The following RTN4 variants were observed in gnomAD, a reference collection of about 807,000 sequenced individuals.
RTN4 encodes reticulon 4.
Under a neutral mutation model 90.4 loss-of-function variants are expected in RTN4, and 32 were observed. That is an observed-to-expected ratio of 0.35 (90% CI 0.27 to 0.48). The LOEUF is 0.48. Among genes scored for constraint, RTN4 ranks in the 20% least tolerant of loss-of-function variants. The probability of loss-of-function intolerance (pLI) is 0.99; values close to 1 mark genes in which losing one functional copy is unlikely to be tolerated. For missense variants in RTN4, 1,706 were observed against 1,430.2 expected (o/e 1.19, Z -3.11); for synonymous variants, 629 against 552.5 (o/e 1.14, Z -1.94).
At chr2:55,114,249 G>T (rs188475914), upstream of RTN4, among the ~76,000 whole-genome samples, 463 of 152,242 alleles carry the variant, frequency 3.0e-3, 1 homozygote, top group African/African-American at 0.011. Flanking sequence ...ACCAAGTGTT[G>T]GTTTGTTCCA....
intron 2 of RTN4, among the ~76,000 whole-genome samples, chr2:55,075,050 T>A (rs1416640051): frequency 6.6e-6 from 1 of 152,318 alleles, no homozygotes. Context: ...CCACTTGTGT[T>A]CAACATAGTA....
At chr2:55,044,554 G>A (rs986831318) in intron 1 of RTN4, among the ~76,000 whole-genome samples, 1 of 152,000 alleles carries the variant, frequency 6.6e-6, no homozygotes, top group Non-Finnish European at 1.5e-5. Context: ...TTGGTTTTTA[G>A]ATTTTTAAAA....
intron 5 of RTN4, among the ~76,000 whole-genome samples, chr2:54,976,989 G>A (rs4672002): frequency 7.2e-5 from 11 of 152,216 alleles, no homozygotes; most frequent in Admixed American, 7.2e-4. Flanking sequence ...GGCCACATCT[G>A]GTTTATCTTT....
At chr2:55,062,476 G>A (rs1668316795) in intron 2 of RTN4, among the ~76,000 whole-genome samples, 1 of 152,224 alleles carries the variant, frequency 6.6e-6, no homozygotes, top group South Asian at 2.1e-4. Flanking sequence ...GGTTTGAGCA[G>A]CGGGGCACTG....
At chr2:55,137,630 C>T in the RTN4 span, among the ~76,000 whole-genome samples, 1 of 152,066 alleles carries the variant, frequency 6.6e-6, no homozygotes, top group Non-Finnish European at 1.5e-5. Context: ...ACAGGTGCCC[C>T]CTCAACCTGT....
At chr2:55,033,831 A>T (rs1682497873) in intron 1 of RTN4, among the ~76,000 whole-genome samples, 1 of 152,240 alleles carries the variant, frequency 6.6e-6, no homozygotes. Flanking sequence ...TGATCAAGTC[A>T]GAGTGACTGG....
At chr2:55,002,695 A>G (rs1558789927) in intron 3 of RTN4, among the ~76,000 whole-genome samples, 2 of 152,144 alleles carry the variant, frequency 1.3e-5, no homozygotes. Flanking sequence ...TCCTACCTTT[A>G]ATTTCATTTT....
chr2:55,035,349 T>C (rs1349590680), intron 1 of RTN4, among the ~76,000 whole-genome samples: 1 of 152,022 alleles, frequency 6.6e-6, no homozygotes, highest in East Asian at 1.9e-4. Flanking sequence ...ACCTAAAATA[T>C]CCTCAAATGT....
chr2:54,973,775 A>AGAGT (rs771624215), intron 7 of RTN4, 46 bp downstream of exon 7: 2 of 1,575,206 alleles, frequency 1.3e-6, no homozygotes, highest in Non-Finnish European at 1.7e-6. Flanking sequence ...CCCATGTAAT[A>AGAGT]GAGTGAGTGC....
At chr2:55,023,094 C>G (rs1681569827) in intron 3 of RTN4, among the ~76,000 whole-genome samples, 3 of 152,072 alleles carry the variant, frequency 2.0e-5, no homozygotes. Context: ...TTTTTCTATT[C>G]ACATCCTTCA....
intron 1 of RTN4, among the ~76,000 whole-genome samples, chr2:55,111,612 C>T: frequency 6.6e-6 from 1 of 152,178 alleles, no homozygotes; most frequent in East Asian, 1.9e-4. Context: ...CTGGGAGTCA[C>T]AGACCTCTCC....
chr2:55,008,419 T>A (rs1475983959), intron 3 of RTN4, among the ~76,000 whole-genome samples: 2 of 152,102 alleles, frequency 1.3e-5, no homozygotes, highest in Non-Finnish European at 2.9e-5. Flanking sequence ...TAATCTTAAA[T>A]ATTACTCTGT....
chr2:55,094,825 G>A (rs1007618039), intron 1 of RTN4, among the ~76,000 whole-genome samples: 1 of 152,180 alleles, frequency 6.6e-6, no homozygotes, highest in Admixed American at 6.5e-5. Context: ...AGCAAAGAAT[G>A]AAGTGGACTT....
At chr2:55,091,904 TACTC>T (rs1205441571) in intron 1 of RTN4, among the ~76,000 whole-genome samples, 4 of 152,176 alleles carry the variant, frequency 2.6e-5, no homozygotes, top group Admixed American at 6.5e-5. Context: ...TCGTGAGACT[TACTC>T]ACTATCACGA....
intron 1 of RTN4, among the ~76,000 whole-genome samples, chr2:55,084,436 T>C (rs1465191250): frequency 6.6e-6 from 1 of 151,992 alleles, no homozygotes; most frequent in Non-Finnish European, 1.5e-5. Flanking sequence ...CCACCATGCC[T>C]GGCCATGAAT....
chr2:55,068,940 T>A (rs779121531), intron 2 of RTN4, among the ~76,000 whole-genome samples: 12 of 152,250 alleles, frequency 7.9e-5, no homozygotes, highest in Non-Finnish European at 1.5e-4. Flanking sequence ...ACAAAGACAA[T>A]TAGTGTACTT....
intron 1 of RTN4, among the ~76,000 whole-genome samples, chr2:55,081,129 C>T (rs1668706532): frequency 6.6e-6 from 1 of 152,076 alleles, no homozygotes; most frequent in Non-Finnish European, 1.5e-5. Flanking sequence ...GGCTGGAGCG[C>T]AGTGGCATGA....
chr2:54,974,915 C>A, intron 5 of RTN4, 151 bp from the exon 6 acceptor site: 1 of 618,654 alleles, frequency 1.6e-6, no homozygotes, highest in African/African-American at 1.9e-5. Context: ...ACTATTAAGT[C>A]ACGAGTCTCA....
intron 1 of RTN4, among the ~76,000 whole-genome samples, chr2:55,082,501 T>C (rs917522430): frequency 6.6e-6 from 1 of 152,146 alleles, no homozygotes; most frequent in African/African-American, 2.4e-5. Flanking sequence ...CACCCACCCC[T>C]GGCCAGGTAG....
Sources: gnomAD v4.1 joint callset for allele counts (sites outside exome capture counted in the v4.1 genomes callset) on GRCh38, gnomAD v4.1.1 for gene constraint, MANE v1.5 for transcripts, NCBI Gene and HGNC (gene_info 2026-07-23, HGNC 2026-07-21) for gene names.